PRKRA: variants seen among roughly 807,000 people sequenced by gnomAD.
The protein encoded by PRKRA is protein activator of interferon induced protein kinase EIF2AK2, also known as interferon-inducible double-stranded RNA-dependent protein kinase activator A.
A neutral mutation model predicts 32.4 loss-of-function variants in PRKRA; 22 were observed. That is an observed-to-expected ratio of 0.68 (90% confidence interval 0.49 to 0.97). The LOEUF is 0.97. PRKRA is among the 50% of genes least tolerant of loss of function. PRKRA has a pLI of 0.00. For missense variants in PRKRA, 319 were observed against 375.6 expected, an observed-to-expected ratio of 0.85 and a Z score of 1.25; for synonymous variants, 139 against 129.8, an observed-to-expected ratio of 1.07 and a Z score of -0.48.
At chr2:178,438,849 T>G (rs1329117697) in intron 6 of PRKRA, 1 of 152,012 alleles carries the variant, frequency 6.6e-6, no homozygotes, top group East Asian at 1.9e-4. Context: ...CGGCTAATTT[T>G]TTTTTTTGTA....
intron 2 of PRKRA, among the ~76,000 whole-genome samples, chr2:178,449,059 C>T (rs1257154173): frequency 2.0e-5 from 3 of 152,166 alleles, no homozygotes; most frequent in Non-Finnish European, 4.4e-5. Flanking sequence ...GAATATTAGT[C>T]TTTAGACAGT....
At chr2:178,438,063 GAAA>G (rs1180271323) in intron 6 of PRKRA, among the ~76,000 whole-genome samples, 7 of 152,108 alleles carry the variant, frequency 4.6e-5, no homozygotes, top group Non-Finnish European at 7.4e-5. Flanking sequence ...GTTCTATGTT[GAAA>G]ATAATTTCTT....
At chr2:178,444,648 GA>G in intron 3 of PRKRA, 148 bp from the exon 4 acceptor site, 1 of 688,378 alleles carries the variant, frequency 1.5e-6, no homozygotes, top group Non-Finnish European at 2.6e-6. Context: ...TCTTCTATGG[GA>G]ATCTGATCGG....
chr2:178,448,910 G>C (rs145295923), intron 2 of PRKRA, among the ~76,000 whole-genome samples: 1 of 152,328 alleles, frequency 6.6e-6, no homozygotes, highest in African/African-American at 2.4e-5. Context: ...AAGAAGAATG[G>C]GTTTGAGGGA....
intron 1 of PRKRA, 62 bp downstream of exon 1, chr2:178,450,904 C>G (rs970579792): frequency 2.0e-6 from 3 of 1,509,656 alleles, no homozygotes; most frequent in South Asian, 1.2e-5. Flanking sequence ...GCCGGCTCCC[C>G]GCGCCCCGGC....
In PRKRA at chr2:178,451,039, G is replaced by A. The variant is rs759226669; in HGVS notation, c.-9C>T. The A allele has an allele frequency of 2.6e-6, 4 of 1,555,722 alleles. 1 individual carries two copies. Among genetic ancestry groups the A allele is most frequent in the Admixed American group, 3.7e-5 (2 of 54,582 alleles). On this transcript the variant is annotated 5_prime_UTR_variant, in exon 1 of 8. Transcript: ENST00000325748. ...TGCCTGCTCTGGGACATGGCGAGAA[G>A]GGACGGCTCAGCGGCTGGAGGAAGA...
intron 1 of PRKRA, 98 bp from the exon 2 acceptor site, chr2:178,450,509 A>G: frequency 7.3e-7 from 1 of 1,377,564 alleles, no homozygotes; most frequent in Non-Finnish European, 9.6e-7. Flanking sequence ...GTGACGAGGG[A>G]GGCGCCGAGT....
intron 2 of PRKRA, among the ~76,000 whole-genome samples, chr2:178,448,958 G>A (rs1697428202): frequency 6.6e-6 from 1 of 152,292 alleles, no homozygotes; most frequent in African/African-American, 2.4e-5. Context: ...GAGGCTTGAG[G>A]GGCCTCTGTG....
chr2:178,432,273 G>A lies in PRKRA; in HGVS notation c.785-19C>T, dbSNP rs1575082751. ...AGTTCATCTGTAATGACACATTCAA[G>A]GATGACGATTAATGTCCAATATGTA... On this transcript the variant is annotated intron_variant, in intron 7 of 7. Transcript: ENST00000325748. 1 of 790,578 alleles carries A rather than the reference G, an allele frequency of 1.3e-6. No individual in the cohort carries two copies. 49.0% of individuals were successfully genotyped at this position (790,578 alleles called of 1,614,324 possible).
Position 178,431,836 on chromosome 2 carries a change from A to T in PRKRA, c.*261T>A, listed in dbSNP as rs957147448. The T allele has an allele frequency of 2.0e-6, 1 of 501,362 alleles. No homozygotes were observed. Among genetic ancestry groups the T allele is most frequent in the Non-Finnish European group, 3.6e-6 (1 of 278,262 alleles). 31.1% of individuals were successfully genotyped at this position (501,362 alleles called of 1,614,324 possible). A position where few individuals can be genotyped will look rare whatever the true frequency, so the allele number is the denominator to read the frequency against. ...AACAAACATGCAGTTTCTTTCTCTGATGTGCATGGCACTGTAAAATGGGTG... is the reference window on the plus strand; with the variant it reads ...AACAAACATGCAGTTTCTTTCTCTGTTGTGCATGGCACTGTAAAATGGGTG... On this transcript the variant is annotated 3_prime_UTR_variant, in exon 8 of 8. Coordinates refer to ENST00000325748, the MANE Select transcript of PRKRA (RefSeq NM_003690.5).
intron 4 of PRKRA, chr2:178,444,005 T>TA: frequency 5.4e-6 from 1 of 185,272 alleles, no homozygotes; most frequent in South Asian, 1.1e-4. Context: ...TGTGTATAGA[T>TA]AAAATTTTTT....
At chr2:178,437,962 C>T (rs544967318) in intron 6 of PRKRA, among the ~76,000 whole-genome samples, 4 of 152,218 alleles carry the variant, frequency 2.6e-5, no homozygotes, top group South Asian at 2.1e-4. Context: ...CTTAGCCTCC[C>T]GAGTAGCTGG....
intron 1 of PRKRA, chr2:178,450,752 C>T (rs1415119720): frequency 7.4e-7 from 1 of 1,351,032 alleles, no homozygotes; most frequent in Non-Finnish European, 9.5e-7. Flanking sequence ...CCTCCGCCCG[C>T]CCCGCGCGCC....
At position 178,441,714 on chromosome 2, in the gene PRKRA, GAAAAAGAAATGGTAGA is replaced by G; in HGVS notation, c.515-26_515-11del. 1 of 758,942 alleles carries G rather than the reference GAAAAAGAAATGGTAGA, an allele frequency of 1.3e-6. No homozygotes were observed. Among genetic ancestry groups the G allele is most frequent in the Admixed American group, 3.8e-5 (1 of 26,340 alleles). The allele number at this position is 758,942 out of a possible 1,614,324, so 47.0% of individuals were successfully genotyped here. ...TTTGATGCCCCCTTTCCTGAACAAA[GAAAAAGAAATGGTAGA>G]TTTAGAAAAGAAATTAGTGTCCACA... On this transcript the variant is annotated splice_polypyrimidine_tract_variant and intron_variant, in intron 5 of 7. Coordinates refer to ENST00000325748, the MANE Select transcript of PRKRA (RefSeq NM_003690.5).
chr2:178,441,886 TC>T (rs1697130312), intron 5 of PRKRA, among the ~76,000 whole-genome samples, 182 bp from the exon 6 acceptor site: 1 of 134,882 alleles, frequency 7.4e-6, no homozygotes, highest in Non-Finnish European at 1.5e-5. Flanking sequence ...AGCTATTAAT[TC>T]TTTTTTTTTT....
intron 2 of PRKRA, among the ~76,000 whole-genome samples, chr2:178,448,150 T>A (rs1697393187): frequency 6.6e-6 from 1 of 152,226 alleles, no homozygotes; most frequent in Admixed American, 6.5e-5. Flanking sequence ...TGGAATAAGG[T>A]GACAGCTTGT....
At chr2:178,439,327 C>T (rs1316208603) in intron 6 of PRKRA, 1 of 152,184 alleles carries the variant, frequency 6.6e-6, no homozygotes, top group Non-Finnish European at 1.5e-5. Flanking sequence ...AAGCAACAAC[C>T]TCTGCCTTGC....
rs191394333 is a variant in PRKRA, at chr2:178,434,285, A to G, written c.784+1860T>C. ...GCCACCTTGTCTGGCTAATTTTTGT[A>G]TTTTTAGTAGAGACAGGGTTTCACC... On this transcript the variant is annotated intron_variant, in intron 7 of 7. Coordinates refer to ENST00000325748, the MANE Select transcript of PRKRA (RefSeq NM_003690.5). 1.8e-4 allele frequency among the ~76,000 whole-genome samples: 28 copies of G among 151,804 alleles called. No individual in the cohort carries two copies. The East Asian group carries it at 5.4e-3, about 30-fold the overall frequency.
chr2:178,436,244 G>T lies in PRKRA; in HGVS notation c.685C>A (p.Leu229Met), dbSNP rs62176107. 1 of 1,608,712 alleles carries T rather than the reference G, an allele frequency of 6.2e-7. No homozygotes were observed. Residue 229 changes from leucine to methionine, a missense_variant, in exon 7 of 8, where the codon CTG (leucine) becomes ATG (methionine). Coordinates refer to ENST00000325748, the MANE Select transcript of PRKRA (RefSeq NM_003690.5). ...RNSPGEKINL[L>M]KRSLLSIPNT... ...GGAATACTAAGGAGGCTTCTTTTCAGTAAGTTGATCTTTTCACCAGGAGAA... is the reference window on the plus strand; with the variant it reads ...GGAATACTAAGGAGGCTTCTTTTCATTAAGTTGATCTTTTCACCAGGAGAA...
Sources: gnomAD v4.1 joint callset for allele counts (sites outside exome capture counted in the v4.1 genomes callset) on GRCh38, gnomAD v4.1.1 for gene constraint, MANE v1.5 for transcripts, NCBI Gene and HGNC (gene_info 2026-07-23, HGNC 2026-07-21) for gene names.